UGGT2: variants seen among roughly 807,000 people sequenced by gnomAD.
UGGT2 encodes UDP-glucose glycoprotein glucosyltransferase 2, also known as UDP-glucose:glycoprotein glucosyltransferase 2.
UGGT2 carries 180 observed loss-of-function variants against 192.1 expected under a neutral mutation model. That is an observed-to-expected ratio of 0.94 (90% CI 0.83 to 1.06). The LOEUF (loss-of-function observed/expected upper bound fraction) is 1.06, where lower values mean the gene tolerates loss of function less well. Ranked by LOEUF, UGGT2 falls within the 50% of genes least tolerant of loss-of-function variation. The pLI is 0.00. For missense variants in UGGT2, 1,849 were observed against 1,795.7 expected (o/e 1.03, Z -0.54); for synonymous variants, 580 against 591.0 (o/e 0.98, Z 0.27).
Position 95,900,806 on chromosome 13 carries a change from C to T in UGGT2, c.2634+1G>A. Reference sequence around the variant, plus strand: ...AGAGAGCAATAGCTTTTTCTACTTACTCTCCCATTGCTGACAATACCCATT... The same window carrying T: ...AGAGAGCAATAGCTTTTTCTACTTATTCTCCCATTGCTGACAATACCCATT... On this transcript the variant is annotated splice_donor_variant, in intron 22 of 38. Coordinates refer to ENST00000376747, the MANE Select transcript of UGGT2 (RefSeq NM_020121.4). LOFTEE classifies it high-confidence loss of function. The T allele has an allele frequency of 6.2e-7, 1 of 1,604,600 alleles. No homozygotes were observed. Among genetic ancestry groups the T allele is most frequent in the Non-Finnish European group, 8.5e-7 (1 of 1,176,368 alleles).
intron 20 of UGGT2, among the ~76,000 whole-genome samples, chr13:95,918,967 C>T (rs1315225415): frequency 6.6e-6 from 1 of 152,092 alleles, no homozygotes; most frequent in Admixed American, 6.6e-5. Flanking sequence ...ATGCAAAAAT[C>T]CTCAATAAAC....
At chr13:95,820,177 G>A (rs1885357005) in intron 38 of UGGT2, among the ~76,000 whole-genome samples, 1 of 149,924 alleles carries the variant, frequency 6.7e-6, no homozygotes, top group African/African-American at 2.5e-5. Context: ...AAATAAACAA[G>A]AAACAAAGAC....
intron 20 of UGGT2, among the ~76,000 whole-genome samples, chr13:95,911,241 G>A (rs1296931873): frequency 6.6e-6 from 1 of 152,124 alleles, no homozygotes; most frequent in African/African-American, 2.4e-5. Flanking sequence ...TAAGATCAGA[G>A]CAGAACTGAA....
At chr13:95,826,810 C>T (rs4147075) in intron 38 of UGGT2, among the ~76,000 whole-genome samples, 2 of 148,880 alleles carry the variant, frequency 1.3e-5, no homozygotes, top group Non-Finnish European at 3.0e-5. Context: ...CACAGCCCCC[C>T]AAGAAAAACA....
intron 5 of UGGT2, among the ~76,000 whole-genome samples, chr13:96,004,605 T>A (rs2051912006): frequency 6.6e-6 from 1 of 152,086 alleles, no homozygotes; most frequent in Non-Finnish European, 1.5e-5. Context: ...AGTGTATACA[T>A]GTGCCATGCT....
intron 36 of UGGT2, among the ~76,000 whole-genome samples, chr13:95,846,729 T>C (rs1359462899): frequency 1.3e-5 from 2 of 152,218 alleles, no homozygotes; most frequent in Admixed American, 6.5e-5. Context: ...AAATTCCATT[T>C]CTTCAACTGA....
intron 12 of UGGT2, among the ~76,000 whole-genome samples, chr13:95,964,476 CCTT>C (rs922442636): frequency 6.6e-6 from 1 of 151,924 alleles, no homozygotes; most frequent in Non-Finnish European, 1.5e-5. Flanking sequence ...ATGGGAAAAA[CCTT>C]CTGCACAGCA....
At position 95,836,384 on chromosome 13, in the gene UGGT2, A is replaced by AAAGAGTTAATACAG. The variant is rs1276285656; in HGVS notation, c.4401+688_4401+701dup. Among the ~76,000 whole-genome samples the AAAGAGTTAATACAG allele has an allele frequency of 7.9e-5, 12 of 152,218 alleles. No individual in the cohort carries two copies. In the East Asian group the frequency reaches 2.3e-3, roughly 29 times the overall value. On this transcript the variant is annotated intron_variant, in intron 37 of 38. Transcript: ENST00000376747. ...TTTTTTTCAAAAGTCCTTTTGCAGA[A>AAAGAGTTAATACAG]AAGAGTTAATACAGAAAGCCTGAAA...
At chr13:96,049,694 C>T (rs2053428155) in intron 1 of UGGT2, among the ~76,000 whole-genome samples, 2 of 152,152 alleles carry the variant, frequency 1.3e-5, no homozygotes, top group Non-Finnish European at 2.9e-5. Flanking sequence ...AACAGACAAA[C>T]AGAGGGCCAA....
intron 7 of UGGT2, among the ~76,000 whole-genome samples, chr13:95,994,130 A>C (rs1295352040): frequency 6.6e-6 from 1 of 152,150 alleles, no homozygotes; most frequent in Non-Finnish European, 1.5e-5. Context: ...GTAACTCATT[A>C]GATCAGTAAA....
At chr13:95,963,267 T>C (rs2050459554) in intron 12 of UGGT2, among the ~76,000 whole-genome samples, 1 of 151,964 alleles carries the variant, frequency 6.6e-6, no homozygotes, top group South Asian at 2.1e-4. Flanking sequence ...AATCAATAAA[T>C]GTGATACATC....
At chr13:95,856,438 T>C (rs1266899055) in intron 33 of UGGT2, 98 bp from the exon 34 acceptor site, 12 of 1,325,240 alleles carry the variant, frequency 9.1e-6, no homozygotes, top group Non-Finnish European at 1.2e-5. Flanking sequence ...TTCCTATAAA[T>C]TGTTATAAAC....
chr13:95,931,655 C>T (rs1374440838), intron 17 of UGGT2, among the ~76,000 whole-genome samples: 1 of 152,096 alleles, frequency 6.6e-6, no homozygotes, highest in Non-Finnish European at 1.5e-5. Context: ...CAGTGCTGGC[C>T]CAGCGCACCC....
intron 12 of UGGT2, among the ~76,000 whole-genome samples, chr13:95,957,443 G>A (rs143652783): frequency 6.6e-6 from 1 of 152,294 alleles, no homozygotes; most frequent in African/African-American, 2.4e-5. Flanking sequence ...GGGGCCTGTG[G>A]TAGTCTTGAC....
chr13:95,886,290 T>C (rs2047644447), intron 26 of UGGT2, among the ~76,000 whole-genome samples: 1 of 152,200 alleles, frequency 6.6e-6, no homozygotes, highest in Admixed American at 6.5e-5. Context: ...GGAATAAATG[T>C]GTATGCTAGG....
At chr13:95,820,415 T>C (rs1254932324) in intron 38 of UGGT2, among the ~76,000 whole-genome samples, 1 of 152,096 alleles carries the variant, frequency 6.6e-6, no homozygotes. Context: ...AAGCTCCTAA[T>C]TCTTTTTATG....
chr13:95,864,499 T>C (rs940556911), intron 30 of UGGT2, among the ~76,000 whole-genome samples: 6 of 152,210 alleles, frequency 3.9e-5, no homozygotes, highest in South Asian at 2.1e-4. Context: ...TTTCCTCCTA[T>C]GGCCACTGTG....
intron 5 of UGGT2, among the ~76,000 whole-genome samples, chr13:96,011,427 C>T (rs2052158639): frequency 6.6e-6 from 1 of 151,970 alleles, no homozygotes; most frequent in Admixed American, 6.5e-5. Context: ...AAAAGCCAGA[C>T]AACTTCATTA....
intron 20 of UGGT2, among the ~76,000 whole-genome samples, chr13:95,922,117 C>T (rs1313001383): frequency 2.6e-5 from 4 of 152,188 alleles, no homozygotes; most frequent in African/African-American, 7.2e-5. Flanking sequence ...AATCAATCTA[C>T]ACATTGATTG....
Sources: gnomAD v4.1 joint callset for allele counts (sites outside exome capture counted in the v4.1 genomes callset) on GRCh38, gnomAD v4.1.1 for gene constraint, MANE v1.5 for transcripts, NCBI Gene and HGNC (gene_info 2026-07-23, HGNC 2026-07-21) for gene names.